The following ZC2HC1B variants were observed in gnomAD, a reference collection of about 807,000 sequenced individuals.
ZC2HC1B encodes the protein zinc finger C2HC domain-containing protein 1B.
Under a neutral mutation model 31.0 loss-of-function variants are expected in ZC2HC1B, and 36 were observed. The ratio of observed to expected loss-of-function variants is 1.16; its 90% confidence interval spans 0.89 to 1.54. The LOEUF (loss-of-function observed/expected upper bound fraction) is 1.54, where lower values mean the gene tolerates loss of function less well. ZC2HC1B is among the 40% of genes most tolerant of loss of function. The probability of loss-of-function intolerance (pLI) is 0.00; values close to 1 mark genes in which losing one functional copy is unlikely to be tolerated. For missense variants in ZC2HC1B, 260 were observed against 268.6 expected (o/e 0.97, Z 0.22); for synonymous variants, 73 against 88.0 (o/e 0.83, Z 0.95).
Position 143,864,516 on chromosome 6 carries a change from C to G in ZC2HC1B, c.-24C>G. On this transcript the variant is annotated 5_prime_UTR_variant, in exon 1 of 8. Transcript: ENST00000237275. The stretch of plus-strand genomic sequence containing the variant: ...ACTGGGCTGTAAAAATCTGTGAACA[C>G]TGTTGCTCTGAGTTAGGAACAGAAT... 1 of 1,551,564 alleles carries G rather than the reference C, an allele frequency of 6.4e-7. No homozygotes were observed. The highest frequency in any genetic ancestry group is 8.7e-7 in the Non-Finnish European group (1 of 1,146,882).
intron 6 of ZC2HC1B, among the ~76,000 whole-genome samples, chr6:143,920,991 A>G (rs1777981467): frequency 6.6e-6 from 1 of 151,858 alleles, no homozygotes; most frequent in Non-Finnish European, 1.5e-5. Context: ...TTTGAAAAAA[A>G]CCGAATCCCA....
chr6:143,903,810 A>G lies in ZC2HC1B; in HGVS notation c.598+658A>G, dbSNP rs1262374387. On this transcript the variant is annotated intron_variant, in intron 6 of 7. Coordinates refer to ENST00000237275, the MANE Select transcript of ZC2HC1B (RefSeq NM_001013623.3). The surrounding 1 kb of genome is among the most constrained non-coding windows in gnomAD (Gnocchi z 4.3). ...CTAAATCATCTCCAGATTACTTATAATACCTAAGGCAATGTAAATGCTATG... is the reference window on the plus strand; with the variant it reads ...CTAAATCATCTCCAGATTACTTATAGTACCTAAGGCAATGTAAATGCTATG... Among the ~76,000 whole-genome samples, 1 of 152,210 alleles carries G rather than the reference A, an allele frequency of 6.6e-6. No individual in the cohort carries two copies. Among genetic ancestry groups the G allele is most frequent in the Admixed American group, 6.5e-5 (1 of 15,282 alleles).
chr6:143,916,846 G>A (rs1777923031), intron 6 of ZC2HC1B, among the ~76,000 whole-genome samples: 1 of 152,190 alleles, frequency 6.6e-6, no homozygotes. Context: ...TGATTTACAG[G>A]CTCATAGGTG....
In ZC2HC1B at chr6:143,886,818, C is replaced by A; in HGVS notation, c.346C>A (p.Pro116Thr). The change falls in exon 4 of 8, where the codon CCA becomes ACA. Residue 116 changes from proline to threonine, a missense_variant. Pro to Thr is a conservative substitution (Grantham distance 38). Coordinates refer to ENST00000237275, the MANE Select transcript of ZC2HC1B (RefSeq NM_001013623.3). The surrounding 1 kb of genome is among the most constrained non-coding windows in gnomAD (Gnocchi z 4.2). Reference protein sequence around the residue: ...LPPPPPPSLNPDYIQRPYCMR... With the variant: ...LPPPPPPSLNTDYIQRPYCMR... ...ACCTCCACCCCCTCCATCCTTGAAC[C>A]CAGGTGTGTAGACATTTTGGGTTGC... 6.5e-7 allele frequency: 1 copy of A among 1,527,038 alleles called. No individual in the cohort carries two copies. The highest frequency in any genetic ancestry group is 8.8e-7 in the Non-Finnish European group (1 of 1,136,404). The allele number at this position is 1,527,038 out of a possible 1,614,324, so 94.6% of individuals were successfully genotyped here. A position where few individuals can be genotyped will look rare whatever the true frequency, so the allele number is the denominator to read the frequency against.
At position 143,887,364 on chromosome 6, in the gene ZC2HC1B, T is replaced by C. The variant is rs982574597; in HGVS notation, c.349+543T>C. On this transcript the variant is annotated intron_variant, in intron 4 of 7. Coordinates refer to ENST00000237275, the MANE Select transcript of ZC2HC1B (RefSeq NM_001013623.3). This position sits in a 1 kb window ranked among gnomAD's most constrained non-coding sequence, Gnocchi z 5.1. ...TGCCATAATTTCTCCTTTATCTTTT[T>C]TTCTTTGGCAGAACCATTTAAAAGT... is the stretch of plus-strand genomic sequence containing the variant. 6.6e-6 allele frequency among the ~76,000 whole-genome samples: 1 copy of C among 152,200 alleles called. No homozygotes were observed. The highest frequency in any genetic ancestry group is 2.4e-5 in the African/African-American group (1 of 41,462).
chr6:143,892,088 T>C (rs977592093), intron 4 of ZC2HC1B, among the ~76,000 whole-genome samples: 23 of 152,144 alleles, frequency 1.5e-4, no homozygotes, highest in African/African-American at 5.3e-4. Flanking sequence ...TATAAAGAAA[T>C]ACCTGAGGCT....
rs1777983683 is a variant in ZC2HC1B at position 143,921,209 on chromosome 6, A to G, written c.599-16440A>G. Among the ~76,000 whole-genome samples the G allele has an allele frequency of 6.6e-6, 1 of 152,194 alleles. No individual in the cohort carries two copies. ...TCTTTGCTAAAGTGTCGCCTCAGTG[A>G]GACTTCTCCAACCTCTGTATTTAAA... On this transcript the variant is annotated intron_variant, in intron 6 of 7. Coordinates refer to ENST00000237275, the MANE Select transcript of ZC2HC1B (RefSeq NM_001013623.3). This position sits in a 1 kb window ranked among gnomAD's most constrained non-coding sequence, Gnocchi z 6.1.
At chr6:143,874,059 C>CAAAGGA (rs1777378103) in intron 1 of ZC2HC1B, among the ~76,000 whole-genome samples, 2 of 152,160 alleles carry the variant, frequency 1.3e-5, no homozygotes, top group Non-Finnish European at 2.9e-5. Flanking sequence ...TAACAGCACC[C>CAAAGGA]AAGTCACCTT....
intron 1 of ZC2HC1B, among the ~76,000 whole-genome samples, chr6:143,867,194 C>T (rs551891430): frequency 2.6e-5 from 4 of 152,242 alleles, no homozygotes; most frequent in African/African-American, 9.6e-5. Context: ...ACTTCTGGTC[C>T]CAAGCATTTT....
At chr6:143,866,445 A>C (rs1408127992) in intron 1 of ZC2HC1B, among the ~76,000 whole-genome samples, 1 of 152,348 alleles carries the variant, frequency 6.6e-6, no homozygotes, top group African/African-American at 2.4e-5. Flanking sequence ...GCCCAGCATC[A>C]CGAGAGGATT....
At chr6:143,892,905 TA>T (rs1459782348) in intron 4 of ZC2HC1B, among the ~76,000 whole-genome samples, 1 of 151,240 alleles carries the variant, frequency 6.6e-6, no homozygotes, top group Non-Finnish European at 1.5e-5. Flanking sequence ...AATTTTTTTT[TA>T]AAAAAAGGAA....
Position 143,884,461 on chromosome 6 carries a change from T to A in ZC2HC1B, c.90+96T>A. On this transcript the variant is annotated intron_variant, in intron 2 of 7. Coordinates refer to ENST00000237275, the MANE Select transcript of ZC2HC1B (RefSeq NM_001013623.3). The surrounding 1 kb of genome is among the most constrained non-coding windows in gnomAD (Gnocchi z 5.1). ...GCAGTGCAAAGATTAAAGACAGATGTGGAGGGGAAGCAAGGGAAGAGGAAA... is the reference window on the plus strand; with the variant it reads ...GCAGTGCAAAGATTAAAGACAGATGAGGAGGGGAAGCAAGGGAAGAGGAAA... 1 of 1,195,470 alleles carries A rather than the reference T, an allele frequency of 8.4e-7. No homozygotes were observed. The highest frequency in any genetic ancestry group is 1.2e-6 in the Non-Finnish European group (1 of 862,664). 74.1% of individuals were successfully genotyped at this position (1,195,470 alleles called of 1,614,324 possible). A position where few individuals can be genotyped will look rare whatever the true frequency, so the allele number is the denominator to read the frequency against.
At chr6:143,873,849 T>C (rs1308394476) in intron 1 of ZC2HC1B, among the ~76,000 whole-genome samples, 1 of 152,232 alleles carries the variant, frequency 6.6e-6, no homozygotes, top group Non-Finnish European at 1.5e-5. Flanking sequence ...GAGGGGCTGC[T>C]GTGAAGGTCT....
chr6:143,925,739 A>G (rs763044862), intron 6 of ZC2HC1B, among the ~76,000 whole-genome samples: 10 of 151,058 alleles, frequency 6.6e-5, no homozygotes, highest in Non-Finnish European at 1.0e-4. Context: ...GGGTTTCTCC[A>G]TGTTGGTCAG....
chr6:143,898,060 T>G (rs1250512080), intron 4 of ZC2HC1B, among the ~76,000 whole-genome samples: 3 of 152,246 alleles, frequency 2.0e-5, no homozygotes, highest in Non-Finnish European at 1.5e-5. Context: ...GGTTGTGACA[T>G]TTTTCCATGC....
chr6:143,881,640 A>AGT (rs1777469585), intron 1 of ZC2HC1B: 2 of 151,194 alleles, frequency 1.3e-5, no homozygotes, highest in African/African-American at 4.9e-5. Flanking sequence ...CAGTTTGTTT[A>AGT]ACCGTTCACC....
At chr6:143,909,690 T>C (rs1437689907) in intron 6 of ZC2HC1B, among the ~76,000 whole-genome samples, 3 of 152,168 alleles carry the variant, frequency 2.0e-5, no homozygotes, top group African/African-American at 7.2e-5. Context: ...TTCTAGTGTA[T>C]GTGCATAGGG....
At position 143,913,798 on chromosome 6, in the gene ZC2HC1B, T is replaced by C. The variant is rs954766975; in HGVS notation, c.598+10646T>C. Among the ~76,000 whole-genome samples the C allele has an allele frequency of 6.6e-6, 1 of 152,208 alleles. No homozygotes were observed. The highest frequency in any genetic ancestry group is 1.5e-5 in the Non-Finnish European group (1 of 68,034). ...CCTTGGCTGGGGGTGGGTGTTTCCT[T>C]GGCTCCATGTCACTCCTGGTGGGCC... On this transcript the variant is annotated intron_variant, in intron 6 of 7. Transcript: ENST00000237275. This position sits in a 1 kb window ranked among gnomAD's most constrained non-coding sequence, Gnocchi z 5.7.
rs553861758 is a variant in ZC2HC1B, at chr6:143,872,934, T to C, written c.28+8367T>C. Among the ~76,000 whole-genome samples the C allele has an allele frequency of 2.0e-5, 3 of 152,274 alleles. No homozygotes were observed. The highest frequency in any genetic ancestry group is 7.2e-5 in the African/African-American group (3 of 41,558). ...GCCCCTGGCCCCTGAAAATCTCATG[T>C]CCTCACATTTCAAAACCAATCATGC... On this transcript the variant is annotated intron_variant, in intron 1 of 7. Transcript: ENST00000237275. This position sits in a 1 kb window ranked among gnomAD's most constrained non-coding sequence, Gnocchi z 5.5.
Sources: gnomAD v4.1 joint callset for allele counts (sites outside exome capture counted in the v4.1 genomes callset) on GRCh38, gnomAD v4.1.1 for gene constraint, Gnocchi (gnomAD v3.1) non-coding constraint, MANE v1.5 for transcripts, NCBI Gene and HGNC (gene_info 2026-07-23, HGNC 2026-07-21) for gene names.